The following HAUS6 variants were observed in gnomAD, a reference collection of about 807,000 sequenced individuals.
The protein encoded by HAUS6 is HAUS augmin like complex subunit 6.
HAUS6 carries 80 observed loss-of-function variants against 106.8 expected under a neutral mutation model. That is an observed-to-expected ratio of 0.75 (90% CI 0.63 to 0.90). HAUS6 has a LOEUF of 0.90. HAUS6 is among the 40% of genes least tolerant of loss of function. The pLI is 0.00. For synonymous variants in HAUS6, 356 were observed against 379.1 expected, an observed-to-expected ratio of 0.94 and a Z score of 0.71; for missense variants, 1,155 against 1,118.1, an observed-to-expected ratio of 1.03 and a Z score of -0.47.
Position 19,058,151 on chromosome 9 carries a change from A to C in HAUS6, c.2616T>G (p.Asn872Lys). Reference sequence around the variant, plus strand: ...AGTTAAGCGTATCATCTGTTTGTACATTTTGGGGAGTAGGGCTCAATTCTG... The same window carrying C: ...AGTTAAGCGTATCATCTGTTTGTACCTTTTGGGGAGTAGGGCTCAATTCTG... ...HKPELSPTPQ[N>K]VQTDDTLNFL... is the part of the protein sequence containing the mutation. The change falls in exon 16 of 17, where the codon AAT becomes AAG. Residue 872 changes from asparagine (N) to lysine (K), a missense_variant. Physicochemically the swap from Asn to Lys is moderately conservative, Grantham distance 94. Around this residue, in one of 3 missense-constraint regions of HAUS6, gnomAD observed 380 missense variants for 394.8 expected, o/e 0.96. Coordinates refer to ENST00000380502, the MANE Select transcript of HAUS6 (RefSeq NM_017645.5). 1.2e-6 allele frequency: 2 copies of C among 1,613,960 alleles called. No homozygotes were observed. The highest frequency in any genetic ancestry group is 1.7e-6 in the Non-Finnish European group (2 of 1,179,868).
chr9:19,058,900 C>T lies in HAUS6; in HGVS notation c.1867G>A (p.Glu623Lys), dbSNP rs746908235. 1.7e-5 allele frequency: 27 copies of T among 1,585,666 alleles called. No individual in the cohort carries two copies. The African/African-American group carries it at 3.6e-4, about 21-fold the overall frequency. Residue 623 changes from glutamate to lysine, a missense_variant, in exon 16 of 17, where the codon GAA becomes AAA. Glu to Lys is a moderately conservative substitution (Grantham distance 56). Transcript: ENST00000380502. ...TGATTGTGCAACACAGGTAATGATT[C>T]TGGCAATACTTCTCTATGTTCAGCA... ...MDAEHREVLP[E>K]SLPVLHNQRE...
chr9:19,055,967 T>C lies in HAUS6; in HGVS notation c.*376A>G, dbSNP rs1048169. On this transcript the variant is annotated 3_prime_UTR_variant, in exon 17 of 17. Coordinates refer to ENST00000380502, the MANE Select transcript of HAUS6 (RefSeq NM_017645.5). ...TATTCAATGGCTATTATATTAACCA[T>C]TTAGTGAACATACAACAAAAACTAT... 0.44 allele frequency: 77,466 copies of C among 175,376 alleles called. 18,769 individuals are homozygous for C. Among genetic ancestry groups the C allele is most frequent in the African/African-American group, 0.67 (28,357 of 42,314 alleles). The allele number at this position is 175,376 out of a possible 1,614,324, so 10.9% of individuals were successfully genotyped here. A position where few individuals can be genotyped will look rare whatever the true frequency, so the allele number is the denominator to read the frequency against.
chr9:19,102,046 T>G (rs1052567505), intron 1 of HAUS6, among the ~76,000 whole-genome samples: 2 of 152,204 alleles, frequency 1.3e-5, no homozygotes, highest in Admixed American at 1.3e-4. Context: ...TAAAAGGGTA[T>G]TTGTTTTTAA....
intron 12 of HAUS6, among the ~76,000 whole-genome samples, chr9:19,066,463 G>A (rs918889932): frequency 2.6e-5 from 4 of 152,042 alleles, no homozygotes; most frequent in Non-Finnish European, 4.4e-5. Flanking sequence ...TAGCTGGCAC[G>A]TATGCAAGAT....
At chr9:19,086,290 G>C (rs1837294064) in intron 7 of HAUS6, among the ~76,000 whole-genome samples, 1 of 141,990 alleles carries the variant, frequency 7.0e-6, no homozygotes, top group Non-Finnish European at 1.5e-5. Flanking sequence ...CAGCCTGGGA[G>C]AGTGAGACTC....
chr9:19,087,039 G>A, intron 6 of HAUS6, 52 bp downstream of exon 6: 1 of 834,154 alleles, frequency 1.2e-6, no homozygotes, highest in Non-Finnish European at 2.1e-6. Flanking sequence ...CCTGTAAAAT[G>A]CAAGAGCTAA....
chr9:19,089,264 A>G, intron 5 of HAUS6, 148 bp downstream of exon 5: 1 of 609,750 alleles, frequency 1.6e-6, no homozygotes, highest in Non-Finnish European at 2.8e-6. Flanking sequence ...TAGGGAAAAA[A>G]AAAAAGAAGA....
chr9:19,064,030 C>G (rs1020305556), intron 12 of HAUS6, among the ~76,000 whole-genome samples: 1 of 150,114 alleles, frequency 6.7e-6, no homozygotes, highest in Non-Finnish European at 1.5e-5. Context: ...TGCAATGGCG[C>G]GATCTTGGCT....
intron 15 of HAUS6, among the ~76,000 whole-genome samples, chr9:19,059,344 T>G (rs1317126933): frequency 6.6e-6 from 1 of 152,262 alleles, no homozygotes; most frequent in African/African-American, 2.4e-5. Context: ...AGCAATATTT[T>G]AGGCTTTGCA....
intron 14 of HAUS6, among the ~76,000 whole-genome samples, chr9:19,061,163 T>A (rs1165873276): frequency 6.6e-6 from 1 of 151,876 alleles, no homozygotes; most frequent in East Asian, 1.9e-4. Flanking sequence ...AAACTCCGTC[T>A]CAAAAAAATA....
intron 8 of HAUS6, 92 bp from the exon 9 acceptor site, chr9:19,080,764 TTTACC>T: frequency 1.3e-6 from 1 of 742,256 alleles, no homozygotes; most frequent in East Asian, 2.7e-5. Flanking sequence ...ACTATTAAAG[TTTACC>T]TTAAAGAAGA....
chr9:19,079,221 T>C (rs954169253), intron 9 of HAUS6, among the ~76,000 whole-genome samples: 3 of 149,512 alleles, frequency 2.0e-5, no homozygotes, highest in African/African-American at 7.3e-5. Context: ...CATTTTATTA[T>C]TTTTTTTTCT....
intron 5 of HAUS6, among the ~76,000 whole-genome samples, 199 bp from the exon 6 acceptor site, chr9:19,087,355 G>A (rs1222856454): frequency 6.6e-6 from 1 of 152,106 alleles, no homozygotes; most frequent in Non-Finnish European, 1.5e-5. Context: ...AGGACTCATA[G>A]GTTAGTATAT....
At chr9:19,101,241 C>T (rs890059297) in intron 1 of HAUS6, among the ~76,000 whole-genome samples, 2 of 152,178 alleles carry the variant, frequency 1.3e-5, no homozygotes, top group African/African-American at 4.8e-5. Context: ...ATAAAACAGG[C>T]CAGGCTCGGT....
intron 7 of HAUS6, among the ~76,000 whole-genome samples, chr9:19,084,051 C>CAAAAAAAAA: frequency 1.0e-5 from 1 of 100,440 alleles, no homozygotes; most frequent in Non-Finnish European, 2.1e-5. Context: ...AGGATCCTTG[C>CAAAAAAAAA]AAAAAAAAAA....
At chr9:19,059,038 T>C (rs1328686493) in intron 15 of HAUS6, 37 bp from the exon 16 acceptor site, 7 of 1,120,770 alleles carry the variant, frequency 6.2e-6, no homozygotes, top group Non-Finnish European at 6.6e-6. Context: ...TTACTAACAT[T>C]CCCAAACATA....
rs371605568 is a variant in HAUS6, at chr9:19,094,374, G to T, written c.246C>A (p.Asp82Glu). Residue 82 changes from aspartate to glutamate, a missense_variant, in exon 3 of 17, where the codon GAC (aspartate) becomes GAA (glutamate). Asp to Glu is a conservative substitution (Grantham distance 45). Around this residue, in one of 3 missense-constraint regions of HAUS6, gnomAD observed 761 missense variants for 690.0 expected, o/e 1.10. Coordinates refer to ENST00000380502, the MANE Select transcript of HAUS6 (RefSeq NM_017645.5). The part of the protein sequence containing the change: ...EVFKFCWPPF[D>E]QKSDTEFRKH... ...TTCGGAATTCAGTGTCACTTTTTTG[G>T]TCAAATGGGGGCCAACAAAATCTGG... 5 of 1,603,666 alleles carry T rather than the reference G, an allele frequency of 3.1e-6. No homozygotes were observed. The highest frequency in any genetic ancestry group is 4.3e-6 in the Non-Finnish European group (5 of 1,172,614).
At chr9:19,091,536 A>G (rs1032761225) in intron 4 of HAUS6, among the ~76,000 whole-genome samples, 2 of 152,070 alleles carry the variant, frequency 1.3e-5, no homozygotes, top group African/African-American at 4.8e-5. Context: ...GAAAAACTGG[A>G]AACATTCTTA....
chr9:19,082,683 T>C (rs1202146658), intron 8 of HAUS6, among the ~76,000 whole-genome samples, 190 bp downstream of exon 8: 1 of 151,902 alleles, frequency 6.6e-6, no homozygotes, highest in African/African-American at 2.4e-5. Flanking sequence ...GAGGCGGAGG[T>C]TGCAGTGAGC....
Sources: gnomAD v4.1 joint callset for allele counts (sites outside exome capture counted in the v4.1 genomes callset) on GRCh38, gnomAD v4.1.1 for gene constraint, gnomAD v4.1.1 regional missense constraint, MANE v1.5 for transcripts, NCBI Gene and HGNC (gene_info 2026-07-23, HGNC 2026-07-21) for gene names.